The following TMEM154 variants were observed in gnomAD, a reference collection of about 807,000 sequenced individuals.
The protein encoded by TMEM154 is transmembrane protein 154.
In TMEM154, 27 loss-of-function variants were observed where a neutral mutation model predicts 24.5. That is an observed-to-expected ratio of 1.10 (90% CI 0.81 to 1.52). The LOEUF (loss-of-function observed/expected upper bound fraction) is 1.52. TMEM154 is among the 40% of genes most tolerant of loss of function. The pLI, the probability that TMEM154 is intolerant of heterozygous loss-of-function variation, is 0.00. For synonymous variants in TMEM154, 67 were observed against 76.8 expected, an observed-to-expected ratio of 0.87 and a Z score of 0.67; for missense variants, 228 against 213.4, an observed-to-expected ratio of 1.07 and a Z score of -0.43.
intron 1 of TMEM154, among the ~76,000 whole-genome samples, chr4:152,659,616 AT>A (rs1305017545): frequency 6.6e-6 from 1 of 152,206 alleles, no homozygotes; most frequent in Non-Finnish European, 1.5e-5. Flanking sequence ...GCAACAAAAA[AT>A]ATCACATGTG....
chr4:152,665,788 C>CTTTT (rs560197111), intron 1 of TMEM154, among the ~76,000 whole-genome samples: 11,008 of 126,886 alleles, frequency 0.087, 558 homozygotes, highest in Middle Eastern at 0.13. Context: ...CAAGAATTTG[C>CTTTT]TTTTTTTTTT....
intron 3 of TMEM154, among the ~76,000 whole-genome samples, chr4:152,651,772 T>C (rs911318379): frequency 3.3e-5 from 5 of 152,276 alleles, no homozygotes; most frequent in Admixed American, 2.6e-4. Flanking sequence ...CTTGGCTAAA[T>C]GTTTGGCACA....
chr4:152,636,023 C>T (rs1752142095), intron 6 of TMEM154, among the ~76,000 whole-genome samples: 1 of 152,182 alleles, frequency 6.6e-6, no homozygotes, highest in African/African-American at 2.4e-5. Context: ...ACGAAGCTTT[C>T]AGGAAACCGT....
intron 6 of TMEM154, among the ~76,000 whole-genome samples, chr4:152,635,745 C>G (rs1420051887): frequency 1.3e-5 from 2 of 152,192 alleles, no homozygotes; most frequent in Non-Finnish European, 2.9e-5. Context: ...TACTGTCACT[C>G]TCTCTTAGTT....
intron 1 of TMEM154, among the ~76,000 whole-genome samples, chr4:152,657,651 C>T (rs1227819862): frequency 6.6e-6 from 1 of 152,200 alleles, no homozygotes; most frequent in Admixed American, 6.5e-5. Flanking sequence ...GACTTCTCCA[C>T]AGCACATTAT....
intron 1 of TMEM154, among the ~76,000 whole-genome samples, chr4:152,676,020 T>C (rs951636217): frequency 1.3e-5 from 2 of 152,166 alleles, no homozygotes; most frequent in African/African-American, 4.8e-5. Flanking sequence ...CCACAGTGAC[T>C]GCCTGACATA....
At chr4:152,666,321 A>G (rs1579534117) in intron 1 of TMEM154, 2 of 152,208 alleles carry the variant, frequency 1.3e-5, no homozygotes, top group East Asian at 3.8e-4. Flanking sequence ...ATTTCTTAAA[A>G]GCTCCCCAAA....
In TMEM154 at chr4:152,628,573, AAAAAAAAAAAAAAAAAAAAC is replaced by A. The variant is rs766603421; in HGVS notation, c.537-32_537-13del. ...AGGATTCACTGTCACTGTAAAAAAA[AAAAAAAAAAAAAAAAAAAAC>A]AAAAAAAACACACACACACACACAA... On this transcript the variant is annotated splice_polypyrimidine_tract_variant and intron_variant, in intron 6 of 6. Coordinates refer to ENST00000304385, the MANE Select transcript of TMEM154 (RefSeq NM_152680.3). The A allele has an allele frequency of 4.1e-4, 500 of 1,224,822 alleles. No homozygotes were observed. Among genetic ancestry groups the A allele is most frequent in the South Asian group, 4.5e-4 (32 of 71,050 alleles). 75.9% of individuals were successfully genotyped at this position (1,224,822 alleles called of 1,614,324 possible).
chr4:152,656,643 C>T (rs762650336), intron 1 of TMEM154, among the ~76,000 whole-genome samples: 23 of 152,078 alleles, frequency 1.5e-4, no homozygotes, highest in Non-Finnish European at 2.8e-4. Flanking sequence ...ATTCAGAGGC[C>T]GGGCGCAGTG....
chr4:152,660,876 C>G (rs539897693), intron 1 of TMEM154, among the ~76,000 whole-genome samples: 1 of 152,218 alleles, frequency 6.6e-6, no homozygotes, highest in South Asian at 2.1e-4. Flanking sequence ...AAAAGCTGCC[C>G]AGAAGGACAG....
At chr4:152,628,686 G>GGTC in intron 6 of TMEM154, 125 bp from the exon 7 acceptor site, 1 of 1,216,388 alleles carries the variant, frequency 8.2e-7, no homozygotes, top group Non-Finnish European at 1.1e-6. Context: ...GCCCAGGCTG[G>GGTC]AGCGCAGTGG....
At position 152,628,582 on chromosome 4, in the gene TMEM154, A is replaced by AC. The variant is rs1554010605; in HGVS notation, c.537-22_537-21insG. ...TGTCACTGTAAAAAAAAAAAAAAAAAAAAAAAAAAACAAAAAAAACACACA... is the reference window on the plus strand; with the variant it reads ...TGTCACTGTAAAAAAAAAAAAAAAAACAAAAAAAAAACAAAAAAAACACACA... On this transcript the variant is annotated intron_variant, in intron 6 of 6. Transcript: ENST00000304385. The AC allele has an allele frequency of 5.0e-5, 55 of 1,110,130 alleles. 1 individual carries two copies. The African/African-American group carries it at 9.5e-4, about 19-fold the overall frequency. The allele number at this position is 1,110,130 out of a possible 1,614,324, so 68.8% of individuals were successfully genotyped here.
In TMEM154 at chr4:152,618,727, C is replaced by T. The variant is rs1260981153; in HGVS notation, c.*9819G>A. ...ATTGGGGCCACTTTCTCTCCACCTCCACTTGCTTGTTAGTTCAATTATGAT... is the reference window on the plus strand; with the variant it reads ...ATTGGGGCCACTTTCTCTCCACCTCTACTTGCTTGTTAGTTCAATTATGAT... On this transcript the variant is annotated 3_prime_UTR_variant, in exon 7 of 7. Coordinates refer to ENST00000304385, the MANE Select transcript of TMEM154 (RefSeq NM_152680.3). 1 of 152,212 alleles carries T rather than the reference C, an allele frequency of 6.6e-6. No individual in the cohort carries two copies. The highest frequency in any genetic ancestry group is 1.5e-5 in the Non-Finnish European group (1 of 68,048). 9.4% of individuals were successfully genotyped at this position (152,212 alleles called of 1,614,324 possible).
intron 5 of TMEM154, 127 bp from the exon 6 acceptor site, chr4:152,641,112 A>G (rs982642303): frequency 1.4e-6 from 1 of 720,840 alleles, no homozygotes; most frequent in Non-Finnish European, 2.2e-6. Flanking sequence ...TGGCCTCACC[A>G]AGGAGTGATA....
intron 1 of TMEM154, among the ~76,000 whole-genome samples, chr4:152,673,865 C>T (rs1728901937): frequency 1.3e-5 from 2 of 152,000 alleles, no homozygotes; most frequent in South Asian, 4.1e-4. Context: ...CATCAACAAC[C>T]TCAGCCATAT....
intron 1 of TMEM154, among the ~76,000 whole-genome samples, chr4:152,655,497 C>T (rs184459863): frequency 9.1e-4 from 138 of 152,294 alleles, no homozygotes; most frequent in African/African-American, 3.2e-3. Flanking sequence ...CCAGCCCCCA[C>T]CAGACTGTAT....
At chr4:152,638,286 C>A (rs779851867) in intron 6 of TMEM154, among the ~76,000 whole-genome samples, 18 of 152,074 alleles carry the variant, frequency 1.2e-4, no homozygotes, top group Non-Finnish European at 2.4e-4. Context: ...AACAAAACAC[C>A]AAAAAACTCC....
At chr4:152,665,806 G>A (rs78250239) in intron 1 of TMEM154, among the ~76,000 whole-genome samples, 2 of 56,490 alleles carry the variant, frequency 3.5e-5, no homozygotes, top group East Asian at 9.7e-4. Context: ...TTTTTTTTTT[G>A]AGACAGGGTC....
chr4:152,640,886 C>A, intron 6 of TMEM154, 42 bp downstream of exon 6: 3 of 1,247,648 alleles, frequency 2.4e-6, no homozygotes, highest in East Asian at 2.4e-5. Flanking sequence ...TCCCCCCGCC[C>A]CCCGCCATAT....
Sources: gnomAD v4.1 joint callset for allele counts (sites outside exome capture counted in the v4.1 genomes callset) on GRCh38, gnomAD v4.1.1 for gene constraint, MANE v1.5 for transcripts, NCBI Gene and HGNC (gene_info 2026-07-23, HGNC 2026-07-21) for gene names.